Variants in ATP2C1 observed in about 807,000 individuals in gnomAD.
The protein encoded by ATP2C1 is calcium-transporting ATPase type 2C member 1.
ATP2C1 carries 31 observed loss-of-function variants against 120.5 expected under a neutral mutation model. The ratio of observed to expected loss-of-function variants is 0.26; its 90% CI spans 0.19 to 0.35. The LOEUF (loss-of-function observed/expected upper bound fraction) is 0.35, where lower values mean the gene tolerates loss of function less well. Ranked by LOEUF, ATP2C1 falls within the 10% of genes least tolerant of loss-of-function variation. The probability of loss-of-function intolerance (pLI) is 1.00; values close to 1 mark genes in which losing one functional copy is unlikely to be tolerated. For synonymous variants in ATP2C1, 351 were observed against 358.7 expected (o/e 0.98, Z 0.24); for missense variants, 731 against 1,107.5 (o/e 0.66, Z 4.83).
chr3:130,993,977 G>A lies in ATP2C1; in HGVS notation c.1936G>A (p.Val646Ile). Residue 646 changes from valine (V) to isoleucine (I), a missense_variant, in exon 22 of 28, where the codon GTA (valine) becomes ATA (isoleucine). By Grantham distance (29) the Val-to-Ile change is conservative (BLOSUM62 3). Coordinates refer to ENST00000510168, the MANE Select transcript of ATP2C1 (RefSeq NM_001378687.1). ...AGTTGTAGCCATGACAGGAGATGGAGTAAATGATGCAGTTGCTCTGAAGGC... is the reference window on the plus strand; with the variant it reads ...AGTTGTAGCCATGACAGGAGATGGAATAAATGATGCAGTTGCTCTGAAGGC... ...GSVVAMTGDG[V>I]NDAVALKAAD... The A allele has an allele frequency of 1.2e-6, 2 of 1,614,168 alleles. No individual in the cohort carries two copies. Among genetic ancestry groups the A allele is most frequent in the Non-Finnish European group, 1.7e-6 (2 of 1,180,016 alleles).
At chr3:130,986,154 T>G (rs2108823274) in intron 20 of ATP2C1, among the ~76,000 whole-genome samples, 1 of 145,240 alleles carries the variant, frequency 6.9e-6, no homozygotes, top group African/African-American at 2.5e-5. Context: ...GTTTTTGGGG[T>G]GGGGAAGGTG....
In ATP2C1 at chr3:130,938,174, G is replaced by A. The variant is rs575149717; in HGVS notation, c.360+711G>A. 1.3e-3 allele frequency among the ~76,000 whole-genome samples: 199 copies of A among 152,290 alleles called. 1 individual carries two copies. The highest frequency in any genetic ancestry group is 9.7e-3 in the South Asian group (47 of 4,826). On this transcript the variant is annotated intron_variant, in intron 6 of 27. Coordinates refer to ENST00000510168, the MANE Select transcript of ATP2C1 (RefSeq NM_001378687.1). ...CCTTTTAAAAATTACTATGAATAAT[G>A]TGGAGATACTGTCAAGATTTCTATT...
At chr3:130,850,913 A>C (rs2067655198) in exon 1 of ATP2C1, 1 of 1,406,596 alleles carries the variant, frequency 7.1e-7, no homozygotes, top group African/African-American at 1.5e-5. Context: ...TGAGAAACCA[A>C]AGAGCCGAAG....
chr3:130,915,557 G>T (rs528825317), intron 2 of ATP2C1, among the ~76,000 whole-genome samples: 1 of 152,258 alleles, frequency 6.6e-6, no homozygotes, highest in South Asian at 2.1e-4. Context: ...GTGTTGGTTT[G>T]TGTGACCTGC....
chr3:130,876,506 T>C (rs1027293788), intron 1 of ATP2C1, among the ~76,000 whole-genome samples: 3 of 152,158 alleles, frequency 2.0e-5, no homozygotes, highest in African/African-American at 7.2e-5. Flanking sequence ...TATCTTGCTG[T>C]TTTGGTCACT....
intron 22 of ATP2C1, 121 bp from the exon 23 acceptor site, chr3:130,995,922 G>T: frequency 1.4e-6 from 1 of 734,982 alleles, no homozygotes; most frequent in Non-Finnish European, 2.4e-6. Context: ...TGGGATTACA[G>T]GCATGAGCCA....
intron 26 of ATP2C1, among the ~76,000 whole-genome samples, chr3:131,011,284 G>A (rs2063308075): frequency 2.6e-5 from 4 of 152,148 alleles, no homozygotes; most frequent in Admixed American, 2.0e-4. Flanking sequence ...TAGACTTCCA[G>A]TATAATTTTA....
chr3:130,850,866 T>A, exon 1 of ATP2C1: 6 of 1,446,934 alleles, frequency 4.1e-6, no homozygotes, highest in Non-Finnish European at 5.4e-6. Flanking sequence ...TTTCAAAAAA[T>A]ATCCTCTCCA....
At position 130,894,838 on chromosome 3, in the gene ATP2C1, T is replaced by G; in HGVS notation, c.6+63T>G. 4.0e-6 allele frequency: 6 copies of G among 1,482,126 alleles called. No individual in the cohort carries two copies. The highest frequency in any genetic ancestry group is 5.7e-6 in the Non-Finnish European group (6 of 1,059,668). The allele number at this position is 1,482,126 out of a possible 1,614,324, so 91.8% of individuals were successfully genotyped here. Reference sequence around the variant, plus strand: ...GAGGGTGTGGTGGTTTGCTTTTAAGTTGTCTTTGTTTTTCCACCTTTTTAT... The same window carrying G: ...GAGGGTGTGGTGGTTTGCTTTTAAGGTGTCTTTGTTTTTCCACCTTTTTAT... On this transcript the variant is annotated intron_variant, in intron 2 of 27. Transcript: ENST00000510168. The surrounding 1 kb of genome is among the most constrained non-coding windows in gnomAD (Gnocchi z 4.5).
chr3:130,994,132 A>G (rs748101676), intron 22 of ATP2C1, 34 bp downstream of exon 22: 2 of 1,611,406 alleles, frequency 1.2e-6, no homozygotes, highest in Non-Finnish European at 1.7e-6. Context: ...CTATCAGAGA[A>G]TCTTCCCCTA....
At chr3:130,991,385 A>G (rs975113140) in intron 20 of ATP2C1, among the ~76,000 whole-genome samples, 2 of 152,128 alleles carry the variant, frequency 1.3e-5, no homozygotes, top group South Asian at 4.1e-4. Context: ...CAGTTGTGGT[A>G]ACAGTATGAT....
intron 12 of ATP2C1, among the ~76,000 whole-genome samples, chr3:130,960,965 C>A (rs1368509470): frequency 1.3e-5 from 2 of 151,904 alleles, no homozygotes; most frequent in Admixed American, 1.3e-4. Context: ...TGAAATATTT[C>A]AAATATTAGA....
chr3:130,926,179 C>G (rs2059196897), intron 2 of ATP2C1, among the ~76,000 whole-genome samples: 1 of 152,082 alleles, frequency 6.6e-6, no homozygotes, highest in Non-Finnish European at 1.5e-5. Flanking sequence ...TGTGGTAGTT[C>G]TTGTATTGTA....
chr3:130,940,338 A>T (rs768153662), intron 6 of ATP2C1, among the ~76,000 whole-genome samples: 6 of 152,248 alleles, frequency 3.9e-5, no homozygotes, highest in Admixed American at 1.3e-4. Context: ...TTAATGACTC[A>T]AATTATGTAC....
intron 1 of ATP2C1, among the ~76,000 whole-genome samples, chr3:130,862,324 T>TTATTTATC (rs1327338607): frequency 1.4e-5 from 2 of 145,230 alleles, no homozygotes; most frequent in Non-Finnish European, 3.1e-5. Flanking sequence ...CTTTATTTAT[T>TTATTTATC]TATTTATTTA....
intron 1 of ATP2C1, among the ~76,000 whole-genome samples, chr3:130,866,741 C>T (rs1430704436): frequency 6.6e-6 from 1 of 152,182 alleles, no homozygotes; most frequent in African/African-American, 2.4e-5. Context: ...TAAGTGTCTA[C>T]TCAAAGAAAT....
chr3:130,883,308 T>C (rs1035105012), intron 1 of ATP2C1, among the ~76,000 whole-genome samples: 3 of 152,156 alleles, frequency 2.0e-5, no homozygotes, highest in Admixed American at 1.3e-4. Context: ...TTTTGTTTCA[T>C]TGACATTTTT....
At chr3:130,912,806 A>G (rs143779571) in intron 2 of ATP2C1, among the ~76,000 whole-genome samples, 3,971 of 152,046 alleles carry the variant, frequency 0.026, 180 homozygotes, top group African/African-American at 0.091. Context: ...ATGCACATGT[A>G]TGTTTATTGC....
downstream of ATP2C1, among the ~76,000 whole-genome samples, chr3:131,005,966 G>C (rs1440557752): frequency 6.6e-6 from 1 of 152,134 alleles, no homozygotes; most frequent in African/African-American, 2.4e-5. Context: ...GTGTGTATAT[G>C]TGTGTGTCTG....
Sources: allele counts gnomAD v4.1 joint callset (sites outside exome capture counted in the v4.1 genomes callset), GRCh38; gene constraint gnomAD v4.1.1; non-coding constraint Gnocchi (gnomAD v3.1); transcripts MANE v1.5; gene names NCBI Gene and HGNC (gene_info 2026-07-23, HGNC 2026-07-21).